Variants in MTMR8 observed in about 807,000 individuals in gnomAD.
MTMR8 encodes the protein myotubularin related protein 8, also known as phosphatidylinositol-3,5-bisphosphate 3-phosphatase MTMR8.
A neutral mutation model predicts 39.3 loss-of-function variants in MTMR8; 65 were observed. The ratio of observed to expected loss-of-function variants is 1.65; its 90% CI spans 1.35 to 2.03. The LOEUF is 2.03. Among genes scored for constraint, MTMR8 ranks in the 30% most tolerant of loss-of-function variants. The probability of loss-of-function intolerance (pLI) is 0.00; values close to 1 mark genes in which losing one functional copy is unlikely to be tolerated. For synonymous variants in MTMR8, 245 were observed against 185.2 expected (o/e 1.32, Z -2.62); for missense variants, 777 against 538.9 (o/e 1.44, Z -4.37).
chrX:64,341,955 G>T (rs780962954), intron 8 of MTMR8, among the ~76,000 whole-genome samples: 1 of 112,040 alleles, frequency 8.9e-6, no homozygotes, highest in Admixed American at 9.5e-5. Context: ...ATTTAAAAAA[G>T]AGAGAGAAAA....
intron 12 of MTMR8, among the ~76,000 whole-genome samples, chrX:64,324,500 T>C (rs1244018865): frequency 9.1e-6 from 1 of 110,283 alleles, no homozygotes; most frequent in African/African-American, 3.3e-5. Context: ...CTGGGCAACA[T>C]AGTGAGACCC....
intron 12 of MTMR8, among the ~76,000 whole-genome samples, chrX:64,301,301 T>C (rs1186735387): frequency 1.9e-5 from 2 of 107,103 alleles, no homozygotes; most frequent in Middle Eastern, 4.7e-3. Flanking sequence ...TCTCTAAACT[T>C]CCCTTCTCAC....
intron 12 of MTMR8, among the ~76,000 whole-genome samples, chrX:64,275,664 A>AAAAG (rs1308441118): frequency 9.1e-6 from 1 of 109,847 alleles, no homozygotes; most frequent in Non-Finnish European, 1.9e-5. Flanking sequence ...AAAAAAAAAA[A>AAAAG]AAAGAAAGAA....
intron 12 of MTMR8, among the ~76,000 whole-genome samples, chrX:64,273,188 G>A (rs781777529): frequency 2.7e-5 from 3 of 111,556 alleles, no homozygotes; most frequent in Non-Finnish European, 3.8e-5. Flanking sequence ...ATGGTTGTGG[G>A]TAAATCACTT....
chrX:64,322,382 C>T (rs1325706256), intron 12 of MTMR8, among the ~76,000 whole-genome samples: 2 of 111,405 alleles, frequency 1.8e-5, no homozygotes, highest in African/African-American at 6.5e-5. Flanking sequence ...CTGTTATGTC[C>T]TTCTCTGGTT....
At chrX:64,278,216 G>A (rs754073863) in intron 12 of MTMR8, among the ~76,000 whole-genome samples, 16 of 108,868 alleles carry the variant, frequency 1.5e-4, no homozygotes, top group Middle Eastern at 4.7e-3. Context: ...CCTACCTTCT[G>A]AAGCCTACTT....
chrX:64,380,685 C>T (rs1291102575), intron 1 of MTMR8, among the ~76,000 whole-genome samples: 1 of 111,867 alleles, frequency 8.9e-6, no homozygotes, highest in African/African-American at 3.3e-5. Context: ...TGTTGGTGTG[C>T]TACACCCAGT....
chrX:64,352,979 G>A (rs748061679), intron 4 of MTMR8, among the ~76,000 whole-genome samples: 5 of 111,527 alleles, frequency 4.5e-5, no homozygotes, highest in African/African-American at 6.5e-5. Flanking sequence ...GTCACGAAGC[G>A]CTTTATGATA....
intron 12 of MTMR8, among the ~76,000 whole-genome samples, 163 bp downstream of exon 12, chrX:64,328,609 G>A (rs1231242896): frequency 9.0e-6 from 1 of 111,620 alleles, no homozygotes; most frequent in Non-Finnish European, 1.9e-5. Flanking sequence ...AAAAGGAATT[G>A]GGCTCTTGTT....
intron 12 of MTMR8, among the ~76,000 whole-genome samples, chrX:64,314,109 C>A (rs1377620750): frequency 8.9e-6 from 1 of 112,467 alleles, no homozygotes; most frequent in Non-Finnish European, 1.9e-5. Flanking sequence ...CAAGCCTCTG[C>A]TTTGTTCTTT....
intron 12 of MTMR8, among the ~76,000 whole-genome samples, chrX:64,322,760 T>G (rs1350869666): frequency 8.9e-6 from 1 of 112,362 alleles, no homozygotes; most frequent in African/African-American, 3.2e-5. Context: ...CCAGCCAAGC[T>G]GTTACAGCAC....
chrX:64,296,462 T>C (rs545609475), intron 12 of MTMR8, among the ~76,000 whole-genome samples: 1 of 110,819 alleles, frequency 9.0e-6, no homozygotes, highest in African/African-American at 3.3e-5. Flanking sequence ...GTAAATTTTA[T>C]GTTATGTATA....
At chrX:64,370,019 A>G (rs148149569) in intron 1 of MTMR8, among the ~76,000 whole-genome samples, 3 of 111,578 alleles carry the variant, frequency 2.7e-5, no homozygotes, top group African/African-American at 6.5e-5. Context: ...CACATTAATC[A>G]TATTAGAATG....
intron 11 of MTMR8, among the ~76,000 whole-genome samples, chrX:64,329,438 G>T (rs1465962438): frequency 2.7e-5 from 3 of 111,397 alleles, no homozygotes. Context: ...AAAGACAATT[G>T]GAAATTTATA....
intron 12 of MTMR8, among the ~76,000 whole-genome samples, chrX:64,273,293 A>G (rs1265860111): frequency 9.0e-6 from 1 of 111,173 alleles, no homozygotes; most frequent in Non-Finnish European, 1.9e-5. Context: ...TGACATGAAT[A>G]ACATAGAGAA....
In MTMR8 at chrX:64,348,615, A is replaced by G. The variant is rs768930809; in HGVS notation, c.732+45T>C. 8.3e-6 allele frequency: 10 copies of G among 1,198,798 alleles called. No homozygotes were observed. In the African/African-American group the frequency reaches 1.6e-4, roughly 19 times the overall value. On this transcript the variant is annotated intron_variant, in intron 6 of 13. Coordinates refer to ENST00000374852, the MANE Select transcript of MTMR8 (RefSeq NM_017677.4). ...ATGTCTCAATATATGAGGAGGTAGA[A>G]TGCAAGAGGCAGAAATATCAAAGAA...
chrX:64,360,943 A>C (rs755760943), intron 1 of MTMR8, among the ~76,000 whole-genome samples: 1 of 111,356 alleles, frequency 9.0e-6, no homozygotes, highest in Admixed American at 9.6e-5. Flanking sequence ...AAACCAGAGA[A>C]TCCTCCTCCA....
chrX:64,336,943 G>A (rs1569223547), intron 9 of MTMR8, among the ~76,000 whole-genome samples: 2 of 112,151 alleles, frequency 1.8e-5, no homozygotes, highest in South Asian at 3.7e-4. Flanking sequence ...TCAAACAGCT[G>A]ACATGTTAAA....
In MTMR8 at chrX:64,338,599, A is replaced by G. The variant is rs1923136453; in HGVS notation, c.976-1206T>C. ...CAAGGGTCAGACCAATCAAGTATAC[A>G]TTTTATCTGATGGCAATAGGGAGTT... On this transcript the variant is annotated intron_variant, in intron 8 of 13. Transcript: ENST00000374852. Among the ~76,000 whole-genome samples, 3 of 112,248 alleles carry G rather than the reference A, an allele frequency of 2.7e-5. No individual in the cohort carries two copies. In the South Asian group the frequency reaches 1.1e-3, roughly 42 times the overall value.
Sources: allele counts gnomAD v4.1 joint callset (sites outside exome capture counted in the v4.1 genomes callset), GRCh38; gene constraint gnomAD v4.1.1; transcripts MANE v1.5; gene names NCBI Gene and HGNC (gene_info 2026-07-23, HGNC 2026-07-21).